Variants in ESR1 observed in about 807,000 individuals in gnomAD.
The protein encoded by ESR1 is estrogen receptor.
Under a neutral mutation model 52.7 loss-of-function variants are expected in ESR1, and 12 were observed. The observed-to-expected ratio is 0.23, with a 90% CI of 0.15 to 0.37. The LOEUF is 0.37. Ranked by LOEUF, ESR1 falls within the 10% of genes least tolerant of loss-of-function variation. The probability of loss-of-function intolerance (pLI) is 1.00; values close to 1 mark genes in which losing one functional copy is unlikely to be tolerated. For missense variants in ESR1, 584 were observed against 779.7 expected, an observed-to-expected ratio of 0.75 and a Z score of 2.99; for synonymous variants, 305 against 316.8, an observed-to-expected ratio of 0.96 and a Z score of 0.39.
chr6:151,679,108 A>G (rs1205942964), intron 1 of ESR1, among the ~76,000 whole-genome samples: 1 of 152,264 alleles, frequency 6.6e-6, no homozygotes, highest in Non-Finnish European at 1.5e-5. Flanking sequence ...ATGAAGTGGC[A>G]TTAAACAGAA....
At chr6:151,818,804 T>TAC (rs1247555867) in intron 1 of ESR1, among the ~76,000 whole-genome samples, 3 of 138,708 alleles carry the variant, frequency 2.2e-5, no homozygotes, top group East Asian at 2.2e-4. Context: ...TATATACACA[T>TAC]ATATACACAC....
intron 2 of ESR1, among the ~76,000 whole-genome samples, chr6:151,864,658 A>G (rs1183740405): frequency 6.6e-6 from 1 of 152,172 alleles, no homozygotes; most frequent in Non-Finnish European, 1.5e-5. Context: ...TTGCGGCACT[A>G]TTCACAATAG....
upstream of ESR1, chr6:151,804,827 G>T (rs1162794165): frequency 6.6e-6 from 1 of 152,216 alleles, no homozygotes; most frequent in Non-Finnish European, 1.5e-5. Context: ...CTGGGACCCT[G>T]AGCGTGGGCA....
At chr6:151,838,381 C>T (rs892234340) in intron 1 of ESR1, among the ~76,000 whole-genome samples, 3 of 152,192 alleles carry the variant, frequency 2.0e-5, no homozygotes, top group Non-Finnish European at 4.4e-5. Context: ...GGCCCATCTG[C>T]TGGGACTGAT....
intron 2 of ESR1, among the ~76,000 whole-genome samples, chr6:151,713,064 T>A (rs1177869874): frequency 6.6e-6 from 1 of 152,220 alleles, no homozygotes; most frequent in Non-Finnish European, 1.5e-5. Context: ...TTGAATTTTA[T>A]TGAAGGCCTT....
intron 2 of ESR1, among the ~76,000 whole-genome samples, chr6:151,743,185 G>A (rs1309664655): frequency 6.6e-6 from 1 of 152,104 alleles, no homozygotes; most frequent in African/African-American, 2.4e-5. Flanking sequence ...AGGAGGGAGA[G>A]CTCTGGGGGC....
chr6:151,672,383 C>A (rs1778095793), intron 1 of ESR1, among the ~76,000 whole-genome samples: 1 of 151,032 alleles, frequency 6.6e-6, no homozygotes, highest in South Asian at 2.1e-4. Flanking sequence ...GTTGCCCAGG[C>A]TGGAGTGCAG....
At chr6:151,661,996 ATTG>A (rs1777654195) in intron 1 of ESR1, among the ~76,000 whole-genome samples, 1 of 152,178 alleles carries the variant, frequency 6.6e-6, no homozygotes, top group Non-Finnish European at 1.5e-5. Flanking sequence ...AAGGTGTGCC[ATTG>A]GCACACAGCA....
At chr6:151,853,033 A>G (rs1287761764) in intron 2 of ESR1, among the ~76,000 whole-genome samples, 1 of 151,634 alleles carries the variant, frequency 6.6e-6, no homozygotes, top group East Asian at 1.9e-4. Context: ...TTAGCTAGGC[A>G]TGGTGGTGTG....
chr6:151,716,449 G>T (rs1781043921), intron 2 of ESR1, among the ~76,000 whole-genome samples: 1 of 152,172 alleles, frequency 6.6e-6, no homozygotes. Context: ...CTTCCCCCAG[G>T]TGCTCTGTCC....
chr6:151,880,158 G>A (rs923778564), intron 2 of ESR1, among the ~76,000 whole-genome samples: 4 of 149,412 alleles, frequency 2.7e-5, no homozygotes, highest in Non-Finnish European at 5.9e-5. Flanking sequence ...TAGAAATTAA[G>A]TCCACGGGAG....
At chr6:151,741,557 T>C (rs1765089885) in intron 2 of ESR1, among the ~76,000 whole-genome samples, 1 of 152,186 alleles carries the variant, frequency 6.6e-6, no homozygotes, top group African/African-American at 2.4e-5. Flanking sequence ...ATCAATATGC[T>C]CCCTGTTTTT....
At chr6:151,834,211 G>A (rs1782909081) in intron 1 of ESR1, among the ~76,000 whole-genome samples, 1 of 152,062 alleles carries the variant, frequency 6.6e-6, no homozygotes, top group South Asian at 2.1e-4. Context: ...TATACCTAAA[G>A]GATTATAAAT....
chr6:151,761,312 G>A (rs1442087941), intron 2 of ESR1, among the ~76,000 whole-genome samples: 1 of 151,826 alleles, frequency 6.6e-6, no homozygotes, highest in Non-Finnish European at 1.5e-5. Context: ...TCATTCTCAT[G>A]GAATACTTTA....
At chr6:152,004,781 A>G (rs989865441) in intron 4 of ESR1, among the ~76,000 whole-genome samples, 2 of 152,014 alleles carry the variant, frequency 1.3e-5, no homozygotes, top group Non-Finnish European at 2.9e-5. Flanking sequence ...TTGCATAGTC[A>G]AAGTTGGCAA....
In ESR1 at chr6:151,875,424, A is replaced by G. The variant is rs1583866832; in HGVS notation, c.644-5231A>G. 2.6e-5 allele frequency among the ~76,000 whole-genome samples: 4 copies of G among 152,290 alleles called. No individual in the cohort carries two copies. The South Asian group carries it at 8.3e-4, about 32-fold the overall frequency. On this transcript the variant is annotated intron_variant, in intron 2 of 7. Coordinates refer to ENST00000206249, the MANE Select transcript of ESR1 (RefSeq NM_000125.4). ...AGTTGGGGGTGAGGGGAGCTTTAGC[A>G]TCTCAGTATTGTTCAGATATTGGAT...
At chr6:152,079,194 A>G (rs1585142260) in intron 6 of ESR1, among the ~76,000 whole-genome samples, 2 of 151,964 alleles carry the variant, frequency 1.3e-5, no homozygotes, top group East Asian at 3.9e-4. Flanking sequence ...CAGGTCCCTG[A>G]CCCCCATGTA....
At chr6:151,956,094 T>C (rs1242736224) in intron 4 of ESR1, among the ~76,000 whole-genome samples, 2 of 152,230 alleles carry the variant, frequency 1.3e-5, no homozygotes, top group East Asian at 1.9e-4. Context: ...CCATGGTGTA[T>C]ATGTACCACA....
At chr6:151,662,065 T>C (rs1777656955) in intron 1 of ESR1, among the ~76,000 whole-genome samples, 2 of 152,132 alleles carry the variant, frequency 1.3e-5, no homozygotes, top group Non-Finnish European at 2.9e-5. Flanking sequence ...GTGAATGTAT[T>C]AACTATTGCT....
Sources: allele counts gnomAD v4.1 joint callset (sites outside exome capture counted in the v4.1 genomes callset), GRCh38; gene constraint gnomAD v4.1.1; transcripts MANE v1.5; gene names NCBI Gene and HGNC (gene_info 2026-07-23, HGNC 2026-07-21).